Variants in ST6GALNAC5 observed in about 807,000 individuals in gnomAD.
The protein encoded by ST6GALNAC5 is alpha-N-acetylgalactosaminide alpha-2,6-sialyltransferase 5.
Under a neutral mutation model 33.6 loss-of-function variants are expected in ST6GALNAC5, and 27 were observed. That is an observed-to-expected ratio of 0.80 (90% CI 0.59 to 1.11). The LOEUF (loss-of-function observed/expected upper bound fraction) is 1.11, where lower values mean the gene tolerates loss of function less well. Among genes scored for constraint, ST6GALNAC5 ranks in the 50% least tolerant of loss-of-function variants. The pLI, the probability that ST6GALNAC5 is intolerant of heterozygous loss-of-function variation, is 0.00. For missense variants in ST6GALNAC5, 428 were observed against 454.0 expected (o/e 0.94, Z 0.52); for synonymous variants, 194 against 171.2 (o/e 1.13, Z -1.04).
At chr1:76,903,746 T>C (rs895341666) in intron 2 of ST6GALNAC5, among the ~76,000 whole-genome samples, 3 of 152,204 alleles carry the variant, frequency 2.0e-5, no homozygotes, top group African/African-American at 7.2e-5. Context: ...CAGTTAGTGA[T>C]AGATGCTACA....
intron 2 of ST6GALNAC5, among the ~76,000 whole-genome samples, chr1:77,017,441 G>A (rs1557762899): frequency 6.6e-6 from 1 of 152,114 alleles, no homozygotes; most frequent in Non-Finnish European, 1.5e-5. Context: ...GGGCAAGGCT[G>A]GCATGGGTGA....
intron 2 of ST6GALNAC5, among the ~76,000 whole-genome samples, chr1:76,873,382 C>A (rs1653554328): frequency 6.6e-6 from 1 of 152,182 alleles, no homozygotes; most frequent in African/African-American, 2.4e-5. Flanking sequence ...TTCTGCCCTT[C>A]CCCCAACTAG....
intron 2 of ST6GALNAC5, among the ~76,000 whole-genome samples, chr1:76,879,432 C>T (rs1653726070): frequency 6.6e-6 from 1 of 152,198 alleles, no homozygotes; most frequent in Non-Finnish European, 1.5e-5. Flanking sequence ...CCTTAATATG[C>T]ATTCTTATGC....
intron 2 of ST6GALNAC5, among the ~76,000 whole-genome samples, chr1:76,950,354 T>C (rs1335051444): frequency 6.6e-6 from 1 of 152,162 alleles, no homozygotes; most frequent in Non-Finnish European, 1.5e-5. Context: ...GTATATAATA[T>C]GTGTATTATA....
At chr1:77,000,659 G>A (rs1488863485) in intron 2 of ST6GALNAC5, among the ~76,000 whole-genome samples, 1 of 150,576 alleles carries the variant, frequency 6.6e-6, no homozygotes, top group Non-Finnish European at 1.5e-5. Flanking sequence ...ATCTTGAATT[G>A]ATTTTTGTAT....
chr1:76,986,279 A>G (rs1649491584), intron 2 of ST6GALNAC5, among the ~76,000 whole-genome samples: 1 of 152,246 alleles, frequency 6.6e-6, no homozygotes, highest in African/African-American at 2.4e-5. Context: ...ACAAAGGGCT[A>G]ATTTCCAGAA....
chr1:76,977,355 G>A lies in ST6GALNAC5; in HGVS notation c.262-66849G>A, dbSNP rs79976126. ...TCTTCTCTTTTTGCTGTCTTGAAAT[G>A]TACACAACATTGTTATTTATTACAG... On this transcript the variant is annotated intron_variant, in intron 2 of 4. Transcript: ENST00000477717. Among the ~76,000 whole-genome samples, 1,447 of 152,194 alleles carry A rather than the reference G, an allele frequency of 9.5e-3. 23 individuals carry two copies. Among genetic ancestry groups the A allele is most frequent in the African/African-American group, 0.033 (1,374 of 41,534 alleles).
rs1201254602 is a variant in ST6GALNAC5, at chr1:77,063,558, C to T, written c.*352C>T. 4.0e-6 allele frequency: 1 copy of T among 249,256 alleles called. No homozygotes were observed. Among genetic ancestry groups the T allele is most frequent in the Non-Finnish European group, 7.8e-6 (1 of 127,396 alleles). The allele number at this position is 249,256 out of a possible 1,614,324, so 15.4% of individuals were successfully genotyped here. A position where few individuals can be genotyped will look rare whatever the true frequency, so the allele number is the denominator to read the frequency against. On this transcript the variant is annotated 3_prime_UTR_variant, in exon 5 of 5. Coordinates refer to ENST00000477717, the MANE Select transcript of ST6GALNAC5 (RefSeq NM_030965.3). ...AATATTAGTTGCATTCCTTTATAGA[C>T]ATACCATGTCAAAGACGTTTTTCTA... is the stretch of plus-strand genomic sequence containing the variant.
At chr1:76,885,668 C>T (rs1416392813) in intron 2 of ST6GALNAC5, among the ~76,000 whole-genome samples, 2 of 152,208 alleles carry the variant, frequency 1.3e-5, no homozygotes, top group African/African-American at 4.8e-5. Flanking sequence ...AGTCTTGATA[C>T]TTACGCTAAA....
chr1:76,974,329 C>T (rs1648906847), intron 2 of ST6GALNAC5, among the ~76,000 whole-genome samples: 1 of 151,582 alleles, frequency 6.6e-6, no homozygotes, highest in African/African-American at 2.4e-5. Flanking sequence ...CCTTTGCCTC[C>T]CAAGTAACTA....
At chr1:77,035,633 T>C (rs1476667865) in intron 2 of ST6GALNAC5, among the ~76,000 whole-genome samples, 3 of 152,134 alleles carry the variant, frequency 2.0e-5, no homozygotes, top group Non-Finnish European at 4.4e-5. Context: ...TAGATGCAAT[T>C]GAAAGCCTGA....
rs550471434 is a variant in ST6GALNAC5 at position 76,948,353 on chromosome 1, C to G, written c.261+79611C>G. Among the ~76,000 whole-genome samples, 12 of 152,278 alleles carry G rather than the reference C, an allele frequency of 7.9e-5. No individual in the cohort carries two copies. The East Asian group carries it at 1.9e-3, about 25-fold the overall frequency. ...TTCTAGCTCCCTTAAGCTCATCTGG[C>G]TTAACAGCCAGCTCTGTCTTCTCTC... On this transcript the variant is annotated intron_variant, in intron 2 of 4. Transcript: ENST00000477717.
Position 76,910,815 on chromosome 1 carries a change from A to G in ST6GALNAC5, c.261+42073A>G, listed in dbSNP as rs1161194199. 9.9e-5 allele frequency among the ~76,000 whole-genome samples: 15 copies of G among 152,110 alleles called. No individual in the cohort carries two copies. The East Asian group carries it at 2.7e-3, about 27-fold the overall frequency. ...TTATATGCCTTTCAAAATCCCAGTG[A>G]CTATAAAATTCTGCTCCTCTGACTA... On this transcript the variant is annotated intron_variant, in intron 2 of 4. Coordinates refer to ENST00000477717, the MANE Select transcript of ST6GALNAC5 (RefSeq NM_030965.3).
chr1:76,963,731 C>T lies in ST6GALNAC5; in HGVS notation c.262-80473C>T, dbSNP rs189135599. ...AAAGGTCCACAAAGATATCCATGTC[C>T]TAATCCCCAGAACCTTTAAATGTGT... On this transcript the variant is annotated intron_variant, in intron 2 of 4. Transcript: ENST00000477717. 4.5e-3 allele frequency among the ~76,000 whole-genome samples: 689 copies of T among 152,286 alleles called. 2 individuals carry two copies. Among genetic ancestry groups the T allele is most frequent in the Middle Eastern group, 0.014 (4 of 294 alleles).
chr1:76,959,987 A>G (rs1254115026), intron 2 of ST6GALNAC5, among the ~76,000 whole-genome samples: 5 of 152,152 alleles, frequency 3.3e-5, no homozygotes, highest in Non-Finnish European at 7.4e-5. Context: ...AGTGGGTAGA[A>G]GAAGTATTAT....
At chr1:76,893,611 T>C (rs1419555595) in intron 2 of ST6GALNAC5, among the ~76,000 whole-genome samples, 1 of 152,174 alleles carries the variant, frequency 6.6e-6, no homozygotes, top group African/African-American at 2.4e-5. Flanking sequence ...ACTCAGGAAA[T>C]ATTAGCCATC....
chr1:76,941,028 C>T (rs1344043462), intron 2 of ST6GALNAC5, among the ~76,000 whole-genome samples: 1 of 151,820 alleles, frequency 6.6e-6, no homozygotes, highest in African/African-American at 2.4e-5. Context: ...ATTGAATACC[C>T]CCAATTTAAA....
chr1:76,907,668 T>C (rs1557718031), intron 2 of ST6GALNAC5, among the ~76,000 whole-genome samples: 2 of 152,178 alleles, frequency 1.3e-5, no homozygotes, highest in South Asian at 2.1e-4. Context: ...TATCCAAGGG[T>C]CCACGTTCCC....
At position 77,021,063 on chromosome 1, in the gene ST6GALNAC5, C is replaced by T. The variant is rs138587222; in HGVS notation, c.262-23141C>T. 2.0e-3 allele frequency among the ~76,000 whole-genome samples: 308 copies of T among 152,294 alleles called. 1 individual carries two copies. The highest frequency in any genetic ancestry group is 2.8e-3 in the Non-Finnish European group (192 of 68,032). On this transcript the variant is annotated intron_variant, in intron 2 of 4. Transcript: ENST00000477717. Reference sequence around the variant, plus strand: ...ACACTTTCCACTGCATTCTGTTCTTCGCAGGTGAGACACTAAGGTGAGCCC... The same window carrying T: ...ACACTTTCCACTGCATTCTGTTCTTTGCAGGTGAGACACTAAGGTGAGCCC...
Sources: allele counts gnomAD v4.1 joint callset (sites outside exome capture counted in the v4.1 genomes callset), GRCh38; gene constraint gnomAD v4.1.1; transcripts MANE v1.5; gene names NCBI Gene and HGNC (gene_info 2026-07-23, HGNC 2026-07-21).